The following NAALADL2 variants were observed in gnomAD, a reference collection of about 807,000 sequenced individuals.
NAALADL2 encodes N-acetylated alpha-linked acidic dipeptidase like 2.
In NAALADL2, 76 loss-of-function variants were observed where a neutral mutation model predicts 87.2. The ratio of observed to expected loss-of-function variants is 0.87; its 90% confidence interval spans 0.72 to 1.05. NAALADL2 has a LOEUF of 1.05. Among genes scored for constraint, NAALADL2 ranks in the 50% least tolerant of loss-of-function variants. The pLI, the probability that NAALADL2 is intolerant of heterozygous loss-of-function variation, is 0.00. For synonymous variants in NAALADL2, 354 were observed against 331.0 expected (o/e 1.07, Z -0.75); for missense variants, 1,089 against 945.8 (o/e 1.15, Z -1.99).
rs373909395 is a variant in NAALADL2, at chr3:175,645,785, G to A, written c.1896+18399G>A. Among the ~76,000 whole-genome samples the A allele has an allele frequency of 2.1e-4, 32 of 152,222 alleles. 1 individual carries two copies. In the East Asian group the frequency reaches 4.1e-3, roughly 19 times the overall value. ...TGCATCAGATAGTTTGAGATAGAAA[G>A]CAAGTTTCCAAGACAGTGTGAAAGG... On this transcript the variant is annotated intron_variant, in intron 11 of 13. Transcript: ENST00000454872.
At chr3:175,356,323 C>T (rs1203733133) in intron 5 of NAALADL2, among the ~76,000 whole-genome samples, 1 of 152,004 alleles carries the variant, frequency 6.6e-6, no homozygotes, top group Non-Finnish European at 1.5e-5. Context: ...TGGCTCATAC[C>T]TGTAATTCAA....
At chr3:174,612,818 A>G (rs990661827) in intron 2 of NAALADL2, among the ~76,000 whole-genome samples, 2 of 152,068 alleles carry the variant, frequency 1.3e-5, no homozygotes, top group African/African-American at 4.8e-5. Flanking sequence ...TTATTTGGTA[A>G]GTCATGTTTT....
rs750054858 is a variant in NAALADL2 at position 175,467,086 on chromosome 3, T to C, written c.1435T>C (p.Ser479Pro). Reference sequence around the variant, plus strand: ...CACAGCGTTTATCCGTGCCTTGATGTCAAAAGTTAAGAGAGGGTGGAGACC... The same window carrying C: ...CACAGCGTTTATCCGTGCCTTGATGCCAAAAGTTAAGAGAGGGTGGAGACC... ...IITAFIRALM[S>P]KVKRGWRPDR... is the part of the protein sequence containing the mutation. The change falls in exon 8 of 14, where the codon TCA (serine) becomes CCA (proline). Residue 479 changes from serine (S) to proline (P), a missense_variant. Transcript: ENST00000454872. The C allele has an allele frequency of 6.2e-7, 1 of 1,613,924 alleles. No homozygotes were observed. The highest frequency in any genetic ancestry group is 1.7e-5 in the Admixed American group (1 of 60,018).
chr3:174,574,573 A>C (rs1715316765), intron 2 of NAALADL2, among the ~76,000 whole-genome samples: 1 of 152,112 alleles, frequency 6.6e-6, no homozygotes, highest in Admixed American at 6.5e-5. Context: ...TTTTAAGTGA[A>C]CTATACTTTA....
chr3:174,880,568 A>ACCCTTGC (rs1457738104), intron 1 of NAALADL2, among the ~76,000 whole-genome samples: 1 of 151,978 alleles, frequency 6.6e-6, no homozygotes, highest in African/African-American at 2.4e-5. Flanking sequence ...TGCATCTCTC[A>ACCCTTGC]ACACAGACTC....
intron 4 of NAALADL2, among the ~76,000 whole-genome samples, chr3:175,288,925 G>T (rs1755307195): frequency 6.6e-6 from 1 of 152,076 alleles, no homozygotes; most frequent in Middle Eastern, 3.2e-3. Flanking sequence ...CTACTTAGGA[G>T]GTCAAAAGAG....
intron 3 of NAALADL2, among the ~76,000 whole-genome samples, chr3:174,767,130 A>G (rs1393288720): frequency 6.6e-6 from 1 of 152,130 alleles, no homozygotes; most frequent in Non-Finnish European, 1.5e-5. Flanking sequence ...GAGTTTTCTG[A>G]GGGATTTGGT....
At chr3:175,716,880 T>C (rs1741376859) in intron 11 of NAALADL2, among the ~76,000 whole-genome samples, 1 of 152,166 alleles carries the variant, frequency 6.6e-6, no homozygotes, top group Non-Finnish European at 1.5e-5. Context: ...TTCTGGTCCA[T>C]AGTTATAGAA....
chr3:174,529,095 C>T (rs1721017497), intron 1 of NAALADL2, among the ~76,000 whole-genome samples: 1 of 152,170 alleles, frequency 6.6e-6, no homozygotes, highest in African/African-American at 2.4e-5. Flanking sequence ...TCCCTTCTGC[C>T]TTTGTGCCTG....
chr3:174,883,064 G>C (rs1729628474), intron 1 of NAALADL2, among the ~76,000 whole-genome samples: 1 of 152,002 alleles, frequency 6.6e-6, no homozygotes, highest in South Asian at 2.1e-4. Context: ...TTCAAGGGCA[G>C]GAAGCATCCA....
intron 9 of NAALADL2, among the ~76,000 whole-genome samples, chr3:175,513,645 T>A (rs1383392579): frequency 6.6e-6 from 1 of 152,186 alleles, no homozygotes; most frequent in Non-Finnish European, 1.5e-5. Context: ...ACATAAAAGA[T>A]CTTTTATTTG....
intron 2 of NAALADL2, among the ~76,000 whole-genome samples, chr3:175,118,238 C>A (rs1219760705): frequency 6.6e-6 from 1 of 151,712 alleles, no homozygotes; most frequent in Non-Finnish European, 1.5e-5. Context: ...TGCACATGTA[C>A]CCTAGAACTT....
intron 11 of NAALADL2, among the ~76,000 whole-genome samples, chr3:175,648,022 A>G (rs1730245253): frequency 6.6e-6 from 1 of 152,190 alleles, no homozygotes; most frequent in Admixed American, 6.5e-5. Flanking sequence ...CAGTAAAGCC[A>G]TGTTTTGTCT....
At chr3:175,628,601 T>TGGG (rs1727317833) in intron 11 of NAALADL2, among the ~76,000 whole-genome samples, 1 of 57,168 alleles carries the variant, frequency 1.7e-5, no homozygotes, top group African/African-American at 5.5e-5. Flanking sequence ...ACCATTAAAA[T>TGGG]AATCTCTCTC....
intron 1 of NAALADL2, among the ~76,000 whole-genome samples, chr3:174,917,205 T>G (rs17586967): frequency 0.03 from 4,554 of 152,186 alleles, 114 homozygotes; most frequent in Non-Finnish European, 0.044. Context: ...AATTTTCCCA[T>G]AGTCAATTGA....
intron 11 of NAALADL2, among the ~76,000 whole-genome samples, chr3:175,660,334 T>G (rs1397280067): frequency 1.3e-5 from 2 of 152,158 alleles, no homozygotes; most frequent in East Asian, 3.9e-4. Context: ...AATGTTGTAA[T>G]GACTGAAAAA....
At chr3:175,736,993 G>A (rs1744585929) in intron 11 of NAALADL2, among the ~76,000 whole-genome samples, 1 of 152,124 alleles carries the variant, frequency 6.6e-6, no homozygotes, top group African/African-American at 2.4e-5. Flanking sequence ...CGAACTGTAA[G>A]GAATTATTTA....
At chr3:175,525,304 C>T (rs1362871630) in intron 9 of NAALADL2, among the ~76,000 whole-genome samples, 3 of 152,082 alleles carry the variant, frequency 2.0e-5, no homozygotes, top group Admixed American at 6.5e-5. Flanking sequence ...TAGGACAAAG[C>T]TCAAAATTAA....
intron 1 of NAALADL2, among the ~76,000 whole-genome samples, chr3:174,913,431 TTTG>T (rs906834835): frequency 2.6e-5 from 4 of 152,108 alleles, no homozygotes; most frequent in Admixed American, 2.6e-4. Flanking sequence ...TAATTTGTCT[TTTG>T]TTGCTGCTGC....
Sources: gnomAD v4.1 joint callset for allele counts (sites outside exome capture counted in the v4.1 genomes callset) on GRCh38, gnomAD v4.1.1 for gene constraint, MANE v1.5 for transcripts, NCBI Gene and HGNC (gene_info 2026-07-23, HGNC 2026-07-21) for gene names.